The following TRPM1 variants were observed in gnomAD, a reference collection of about 807,000 sequenced individuals.
TRPM1 encodes TRPM1-203 APA Isoform, Intron 10.
In TRPM1, 113 loss-of-function variants were observed where a neutral mutation model predicts 149.4. The ratio of observed to expected loss-of-function variants is 0.76; its 90% CI spans 0.65 to 0.88. The LOEUF (loss-of-function observed/expected upper bound fraction) is 0.88, where lower values mean the gene tolerates loss of function less well. Among genes scored for constraint, TRPM1 ranks in the 40% least tolerant of loss-of-function variants. The probability of loss-of-function intolerance (pLI) is 0.00; values close to 1 mark genes in which losing one functional copy is unlikely to be tolerated. For synonymous variants in TRPM1, 741 were observed against 759.5 expected, an observed-to-expected ratio of 0.98 and a Z score of 0.40; for missense variants, 1,976 against 2,038.7, an observed-to-expected ratio of 0.97 and a Z score of 0.59.
At chr15:31,131,506 C>T (rs1300530604) in intron 1 of TRPM1, among the ~76,000 whole-genome samples, 2 of 152,078 alleles carry the variant, frequency 1.3e-5, no homozygotes, top group African/African-American at 2.4e-5. Flanking sequence ...CCACCATGTG[C>T]GATAAGAGCT....
intron 1 of TRPM1, among the ~76,000 whole-genome samples, chr15:31,126,432 G>A (rs1022576258): frequency 6.6e-6 from 1 of 152,158 alleles, no homozygotes; most frequent in East Asian, 1.9e-4. Flanking sequence ...TGTGCACACA[G>A]AACCCAGTTT....
At position 31,070,210 on chromosome 15, in the gene TRPM1, ACTGG is replaced by A. The variant is rs1227597645; in HGVS notation, c.96_99del (p.Gln33SerfsTer78). On this transcript the variant is annotated frameshift_variant, in exon 4 of 28. Transcript: ENST00000256552. LOFTEE classifies it high-confidence loss of function. The stretch of plus-strand genomic sequence containing the variant: ...AGAGGGGGGATATGCTGGTTGGTGA[ACTGG>A]CCACAGCAACACCTGAAAACAAAGG... 6.2e-7 allele frequency: 1 copy of A among 1,613,596 alleles called. No individual in the cohort carries two copies. Among genetic ancestry groups the A allele is most frequent in the Non-Finnish European group, 8.5e-7 (1 of 1,179,916 alleles).
chr15:31,144,132 T>C (rs1346003431), intron 1 of TRPM1, among the ~76,000 whole-genome samples: 1 of 152,128 alleles, frequency 6.6e-6, no homozygotes, highest in African/African-American at 2.4e-5. Context: ...CTTCCTAGTA[T>C]CCAGGTTTTT....
Position 31,089,440 on chromosome 15 carries a change from G to C in TRPM1, c.-83-8002C>G, listed in dbSNP as rs2035155437. ...GGATTTGGCTTGATGCCTATGACAG[G>C]TCATTGGTGACCATGGCCTGCTGAC... On this transcript the variant is annotated intron_variant, in intron 1 of 27. Coordinates refer to ENST00000256552, the MANE Select transcript of TRPM1 (RefSeq NM_001252024.2). Among the ~76,000 whole-genome samples, 2 of 152,208 alleles carry C rather than the reference G, an allele frequency of 1.3e-5. 1 individual carries two copies. Among genetic ancestry groups the C allele is most frequent in the South Asian group, 4.1e-4 (2 of 4,832 alleles).
chr15:31,021,916 A>T (rs959525412), intron 27 of TRPM1, among the ~76,000 whole-genome samples: 1 of 152,196 alleles, frequency 6.6e-6, no homozygotes, highest in African/African-American at 2.4e-5. Context: ...AGACATTAAT[A>T]AAATGTATGT....
chr15:31,069,734 A>T (rs2034478736), intron 4 of TRPM1: 2 of 1,428,266 alleles, frequency 1.4e-6, no homozygotes, highest in Non-Finnish European at 1.8e-6. Flanking sequence ...GTCTTCCTTT[A>T]CTGAAGATGG....
intron 1 of TRPM1, among the ~76,000 whole-genome samples, chr15:31,125,384 C>A (rs1178940385): frequency 6.6e-6 from 1 of 152,108 alleles, no homozygotes; most frequent in Non-Finnish European, 1.5e-5. Context: ...GTACTACATG[C>A]TCAATTTTCT....
At chr15:31,092,657 T>TCC (rs2035271040) in intron 1 of TRPM1, among the ~76,000 whole-genome samples, 2 of 152,228 alleles carry the variant, frequency 1.3e-5, no homozygotes, top group Non-Finnish European at 2.9e-5. Context: ...TGAGGTTTAC[T>TCC]GGAAATATAC....
chr15:31,075,020 A>T (rs150041253), intron 3 of TRPM1, among the ~76,000 whole-genome samples: 96 of 152,230 alleles, frequency 6.3e-4, no homozygotes, highest in African/African-American at 2.2e-3. Flanking sequence ...TAATTTTATT[A>T]CATTGTGGTT....
chr15:31,132,814 A>G (rs149789542), intron 1 of TRPM1, among the ~76,000 whole-genome samples: 1 of 152,232 alleles, frequency 6.6e-6, no homozygotes, highest in Non-Finnish European at 1.5e-5. Flanking sequence ...TAGTGAATAC[A>G]TCTCACGAGA....
At chr15:31,128,115 C>A (rs1430024290) in intron 1 of TRPM1, among the ~76,000 whole-genome samples, 1 of 152,134 alleles carries the variant, frequency 6.6e-6, no homozygotes. Flanking sequence ...CTGACCAGTG[C>A]GTTAACCACA....
chr15:31,117,970 G>T (rs1372441665), intron 1 of TRPM1, among the ~76,000 whole-genome samples: 1 of 152,078 alleles, frequency 6.6e-6, no homozygotes, highest in Non-Finnish European at 1.5e-5. Context: ...AGTTAAAAAA[G>T]CTGTATCAGG....
At position 31,100,059 on chromosome 15, in the gene TRPM1, GTTTCTTTCTTC is replaced by G. The variant is rs1306517581; in HGVS notation, c.-84+1587_-84+1597del. Among the ~76,000 whole-genome samples the G allele has an allele frequency of 2.0e-5, 3 of 150,600 alleles. No homozygotes were observed. In the East Asian group the frequency reaches 5.8e-4, roughly 29 times the overall value. On this transcript the variant is annotated intron_variant, in intron 1 of 27. Transcript: ENST00000256552. ...CAATTTATGCAAATATTCTTTCTTT[GTTTCTTTCTTC>G]TTTCTTTCTTTCCTTCTTTTTTTTT... is the stretch of plus-strand genomic sequence containing the variant.
chr15:31,057,210 TA>T (rs778885832), intron 11 of TRPM1, among the ~76,000 whole-genome samples: 1 of 152,070 alleles, frequency 6.6e-6, no homozygotes. Context: ...GCTGCAGCCA[TA>T]AAAAAGAACA....
intron 2 of TRPM1, 39 bp downstream of exon 2, chr15:31,081,314 G>GA (rs2034851693): frequency 9.1e-7 from 1 of 1,100,506 alleles, no homozygotes; most frequent in African/African-American, 1.6e-5. Context: ...CTCAGGGGGG[G>GA]AGGGGGGGAA....
chr15:31,102,718 A>G (rs2035540585), upstream of TRPM1, among the ~76,000 whole-genome samples: 1 of 152,186 alleles, frequency 6.6e-6, no homozygotes, highest in South Asian at 2.1e-4. Flanking sequence ...ACGGAAGCAC[A>G]TGTGCCAGGC....
At chr15:31,095,087 G>A (rs139571498) in intron 1 of TRPM1, among the ~76,000 whole-genome samples, 68 of 152,342 alleles carry the variant, frequency 4.5e-4, no homozygotes, top group South Asian at 2.7e-3. Context: ...CCTTGGAAAC[G>A]TGATGCTAAC....
chr15:31,030,984 G>T lies in TRPM1; in HGVS notation c.3126C>A (p.Asp1042Glu). Residue 1042 changes from aspartate to glutamate, a missense_variant and splice_region_variant, in exon 23 of 28, where the codon GAC becomes GAA. Around this residue, in one of 3 missense-constraint regions of TRPM1, gnomAD observed 1,332 missense variants for 1,347.1 expected, o/e 0.99. Coordinates refer to ENST00000256552, the MANE Select transcript of TRPM1 (RefSeq NM_001252024.2). ...IYGEVFADQI[D>E]LYAMEINPPC... ...TCTTACTATGAATTCTACTCTTACG[G>T]TCTATCTGGTCTGCAAACACCTCTC... 6.2e-7 allele frequency: 1 copy of T among 1,614,132 alleles called. No homozygotes were observed. Among genetic ancestry groups the T allele is most frequent in the Admixed American group, 1.7e-5 (1 of 60,006 alleles).
intron 1 of TRPM1, among the ~76,000 whole-genome samples, chr15:31,125,311 G>C (rs958525262): frequency 6.6e-6 from 1 of 152,210 alleles, no homozygotes; most frequent in African/African-American, 2.4e-5. Context: ...AATATACACC[G>C]TGCAAGATGT....
Sources: gnomAD v4.1 joint callset for allele counts (sites outside exome capture counted in the v4.1 genomes callset) on GRCh38, gnomAD v4.1.1 for gene constraint, gnomAD v4.1.1 regional missense constraint, MANE v1.5 for transcripts, NCBI Gene and HGNC (gene_info 2026-07-23, HGNC 2026-07-21) for gene names.